Variants in CYC1 observed in about 807,000 individuals in gnomAD.
The protein encoded by CYC1 is cytochrome c1, heme protein, mitochondrial.
Under a neutral mutation model 33.8 loss-of-function variants are expected in CYC1, and 10 were observed. That is an observed-to-expected ratio of 0.30 (90% CI 0.18 to 0.50). CYC1 has a LOEUF of 0.50. Ranked by LOEUF, CYC1 falls within the 20% of genes least tolerant of loss-of-function variation. The pLI, the probability that CYC1 is intolerant of heterozygous loss-of-function variation, is 0.98. For synonymous variants in CYC1, 224 were observed against 181.9 expected (o/e 1.23, Z -1.86); for missense variants, 459 against 437.6 (o/e 1.05, Z -0.44).
Position 144,095,087 on chromosome 8 carries a change from G to A in CYC1, c.-13G>A, listed in dbSNP as rs911590518. 9 of 1,206,304 alleles carry A rather than the reference G, an allele frequency of 7.5e-6. No individual in the cohort carries two copies. In the Admixed American group the frequency reaches 1.8e-4, roughly 24 times the overall value. 74.7% of individuals were successfully genotyped at this position (1,206,304 alleles called of 1,614,324 possible). On this transcript the variant is annotated 5_prime_UTR_variant, in exon 1 of 7. Transcript: ENST00000318911. The stretch of plus-strand genomic sequence containing the variant: ...GGGCCGACGGGAGTGGCGGCCGCGC[G>A]GAGGAGGCCAAGATGGCGGCAGCTG...
chr8:144,095,732 C>T (rs1192221549), intron 1 of CYC1, 101 bp from the exon 2 acceptor site: 5 of 1,273,590 alleles, frequency 3.9e-6, no homozygotes, highest in Non-Finnish European at 5.5e-6. Flanking sequence ...TGGTGCCCTG[C>T]AGGAGGAGGC....
chr8:144,096,035 C>T lies in CYC1; in HGVS notation c.326+6C>T. 6.2e-7 allele frequency: 1 copy of T among 1,600,196 alleles called. No individual in the cohort carries two copies. Among genetic ancestry groups the T allele is most frequent in the South Asian group, 1.1e-5 (1 of 90,714 alleles). On this transcript the variant is annotated splice_donor_region_variant and intron_variant, in intron 2 of 6. Coordinates refer to ENST00000318911, the MANE Select transcript of CYC1 (RefSeq NM_001916.5). ...TCTTCCTTGGACCACACCAGGTGTG[C>T]AGCTGGCTGGCTGGCTGGCAGCGGG...
chr8:144,095,169 C>G lies in CYC1; in HGVS notation c.70C>G (p.Arg24Gly). Reference sequence around the variant, plus strand: ...GCGGGGCGCGGGGCTCCCGGGCGCGCGTGCCCGGGGTCTGCTGTGCAGCGC... The same window carrying G: ...GCGGGGCGCGGGGCTCCCGGGCGCGGGTGCCCGGGGTCTGCTGTGCAGCGC... Reference protein sequence around the residue: ...GPRGAGLPGARARGLLCSARP... With the variant: ...GPRGAGLPGAGARGLLCSARP... The change falls in exon 1 of 7, where the codon CGT becomes GGT. Residue 24 changes from arginine (R) to glycine (G), a missense_variant. By Grantham distance (125) the Arg-to-Gly change is moderately radical (BLOSUM62 -2). Transcript: ENST00000318911. The G allele has an allele frequency of 8.3e-7, 1 of 1,209,308 alleles. No homozygotes were observed. The highest frequency in any genetic ancestry group is 1.0e-6 in the Non-Finnish European group (1 of 972,802). 74.9% of individuals were successfully genotyped at this position (1,209,308 alleles called of 1,614,324 possible).
chr8:144,097,362 C>A lies in CYC1; in HGVS notation c.*26C>A. On this transcript the variant is annotated 3_prime_UTR_variant, in exon 7 of 7. Coordinates refer to ENST00000318911, the MANE Select transcript of CYC1 (RefSeq NM_001916.5). Reference sequence around the variant, plus strand: ...CCCTGTCCAGTGTCTGCTTGCCATCCTGCCAGAACAGGCCCTCAAGCCCAA... The same window carrying A: ...CCCTGTCCAGTGTCTGCTTGCCATCATGCCAGAACAGGCCCTCAAGCCCAA... 6.3e-7 allele frequency: 1 copy of A among 1,598,970 alleles called. No homozygotes were observed. The highest frequency in any genetic ancestry group is 8.6e-7 in the Non-Finnish European group (1 of 1,167,498).
chr8:144,096,015 C>G lies in CYC1; in HGVS notation c.312C>G (p.Ser104=), dbSNP rs1836144284. 1 of 1,604,566 alleles carries G rather than the reference C, an allele frequency of 6.2e-7. No homozygotes were observed. Among genetic ancestry groups the G allele is most frequent in the East Asian group, 2.2e-5 (1 of 44,848 alleles). The change falls in exon 2 of 7, where the codon TCC becomes TCG. Residue 104 remains serine, a synonymous_variant. Transcript: ENST00000318911. ...YPWSHRGLLS[S]LDHTSIRRGF... The stretch of plus-strand genomic sequence containing the variant: ...GGTCTCACCGTGGCCTCCTCTCTTC[C>G]TTGGACCACACCAGGTGTGCAGCTG...
rs776707883 is a variant in CYC1 at position 144,097,207 on chromosome 8, TTC to T, written c.874-21_874-20del. 1.9e-6 allele frequency: 3 copies of T among 1,612,952 alleles called. No individual in the cohort carries two copies. In the Admixed American group the frequency reaches 5.0e-5, roughly 27 times the overall value. On this transcript the variant is annotated intron_variant, in intron 6 of 6. Coordinates refer to ENST00000318911, the MANE Select transcript of CYC1 (RefSeq NM_001916.5). ...CTGGGCAGGGCTCCTCCCCACTCCC[TTC>T]TCTGAGCCTTCCTTGTCTGCAGATG...
chr8:144,096,508 C>T lies in CYC1; in HGVS notation c.611+14C>T, dbSNP rs202012491. 6.2e-7 allele frequency: 1 copy of T among 1,614,010 alleles called. No homozygotes were observed. Reference sequence around the variant, plus strand: ...CGTGCGAGCTAGGTACACGGGCTGCCCATGGGGTGGTGCTGGAGAGATGGG... The same window carrying T: ...CGTGCGAGCTAGGTACACGGGCTGCTCATGGGGTGGTGCTGGAGAGATGGG... On this transcript the variant is annotated intron_variant, in intron 4 of 6. Coordinates refer to ENST00000318911, the MANE Select transcript of CYC1 (RefSeq NM_001916.5).
rs771853926 is a variant in CYC1 at position 144,095,843 on chromosome 8, T to G, written c.140T>G (p.Leu47Trp). 3.4e-5 allele frequency: 54 copies of G among 1,606,996 alleles called. No individual in the cohort carries two copies. The highest frequency in any genetic ancestry group is 4.3e-5 in the Non-Finnish European group (51 of 1,179,496). Residue 47 changes from leucine to tryptophan, a missense_variant, in exon 2 of 7, where the codon TTG (leucine) becomes TGG (tryptophan). Physicochemically the swap from Leu to Trp is moderately conservative, Grantham distance 61. Transcript: ENST00000318911. ...GCGGAGATCTTGCAGGCAGTGGCCTTGTCGTCGAAGTCTGGCCTTTCCCGA... is the reference window on the plus strand; with the variant it reads ...GCGGAGATCTTGCAGGCAGTGGCCTGGTCGTCGAAGTCTGGCCTTTCCCGA... ...LPLRTPQAVALSSKSGLSRGR... is the reference protein window; with the variant it reads ...LPLRTPQAVAWSSKSGLSRGR...
chr8:144,095,738 G>A (rs937942211), intron 1 of CYC1, 95 bp from the exon 2 acceptor site: 3 of 1,323,510 alleles, frequency 2.3e-6, no homozygotes. Flanking sequence ...CCTGCAGGAG[G>A]AGGCCATTGC....
chr8:144,096,087 G>C, intron 2 of CYC1, 37 bp from the exon 3 acceptor site: 1 of 1,606,272 alleles, frequency 6.2e-7, no homozygotes, highest in Non-Finnish European at 8.5e-7. Context: ...TGGTAAGGTG[G>C]AATCTTCAGC....
In CYC1 at chr8:144,097,392, C is replaced by A; in HGVS notation, c.*56C>A. 1 of 1,478,400 alleles carries A rather than the reference C, an allele frequency of 6.8e-7. No homozygotes were observed. The highest frequency in any genetic ancestry group is 9.4e-7 in the Non-Finnish European group (1 of 1,062,628). The allele number at this position is 1,478,400 out of a possible 1,614,324, so 91.6% of individuals were successfully genotyped here. On this transcript the variant is annotated 3_prime_UTR_variant, in exon 7 of 7. Transcript: ENST00000318911. ...AGAACAGGCCCTCAAGCCCAAGAGC[C>A]ATCCCAGGCCTGTTCAGGCCTCAGC... is the stretch of plus-strand genomic sequence containing the variant.
chr8:144,095,172 G>A lies in CYC1; in HGVS notation c.73G>A (p.Ala25Thr). 2 of 1,209,300 alleles carry A rather than the reference G, an allele frequency of 1.7e-6. No homozygotes were observed. Among genetic ancestry groups the A allele is most frequent in the South Asian group, 4.1e-5 (1 of 24,150 alleles). 74.9% of individuals were successfully genotyped at this position (1,209,300 alleles called of 1,614,324 possible). A position where few individuals can be genotyped will look rare whatever the true frequency, so the allele number is the denominator to read the frequency against. Residue 25 changes from alanine (A) to threonine (T), a missense_variant, in exon 1 of 7, where the codon GCC (alanine) becomes ACC (threonine). By Grantham distance (58) the Ala-to-Thr change is moderately conservative. Coordinates refer to ENST00000318911, the MANE Select transcript of CYC1 (RefSeq NM_001916.5). ...GGGCGCGGGGCTCCCGGGCGCGCGT[G>A]CCCGGGGTCTGCTGTGCAGCGCGCG... ...PRGAGLPGAR[A>T]RGLLCSARPG...
intron 1 of CYC1, chr8:144,095,550 C>A: frequency 3.8e-6 from 2 of 523,948 alleles, no homozygotes; most frequent in Non-Finnish European, 6.6e-6. Flanking sequence ...CTGAAGTGAC[C>A]CCAGCCTGAT....
At position 144,097,483 on chromosome 8, in the gene CYC1, C is replaced by G. The variant is rs559548619; in HGVS notation, c.*147C>G. 1 of 620,148 alleles carries G rather than the reference C, an allele frequency of 1.6e-6. No individual in the cohort carries two copies. Among genetic ancestry groups the G allele is most frequent in the African/African-American group, 1.8e-5 (1 of 54,474 alleles). The allele number at this position is 620,148 out of a possible 1,614,324, so 38.4% of individuals were successfully genotyped here. On this transcript the variant is annotated 3_prime_UTR_variant, in exon 7 of 7. Transcript: ENST00000318911. ...AGACCAGGCTCTAGCTCTGGGCCCT[C>G]CTTCAGCCCCCATCATGGGAATAAA...
At position 144,096,758 on chromosome 8, in the gene CYC1, AGTCTGGC is replaced by A. The variant is rs763792436; in HGVS notation, c.772+15_772+21del. 4.9e-5 allele frequency: 51 copies of A among 1,039,470 alleles called. 4 individuals carry two copies. The Admixed American group carries it at 7.1e-4, about 15-fold the overall frequency. The allele number at this position is 1,039,470 out of a possible 1,614,324, so 64.4% of individuals were successfully genotyped here. A position where few individuals can be genotyped will look rare whatever the true frequency, so the allele number is the denominator to read the frequency against. On this transcript the variant is annotated intron_variant, in intron 5 of 6. Transcript: ENST00000318911. ...AGTTTGACGATGGTAAGAGGCCTCC[AGTCTGGC>A]AGTGGGCATGTGGAATACTTCTCCA...
At chr8:144,096,079 G>A in intron 2 of CYC1, 45 bp from the exon 3 acceptor site, 2 of 1,604,868 alleles carry the variant, frequency 1.2e-6, no homozygotes, top group Non-Finnish European at 1.7e-6. Flanking sequence ...GGTGGAGCTG[G>A]TAAGGTGGAA....
At position 144,097,145 on chromosome 8, in the gene CYC1, T is replaced by C. The variant is rs758366796; in HGVS notation, c.873+11T>C. The C allele has an allele frequency of 3.7e-6, 6 of 1,612,018 alleles. No homozygotes were observed. The highest frequency in any genetic ancestry group is 4.2e-6 in the Non-Finnish European group (5 of 1,178,760). ...CGCATGGGGCTCAAGGTAAAAGGGT[T>C]GGGAGGCCATGGTGGGTATCAGAGA... On this transcript the variant is annotated intron_variant, in intron 6 of 6. Transcript: ENST00000318911.
In CYC1 at chr8:144,097,308, G is replaced by A. The variant is rs754430323; in HGVS notation, c.950G>A (p.Arg317Gln). Reference sequence around the variant, plus strand: ...CACAAGTGGTCAGTCCTGAAGAGTCGGAAGCTGGCATATCGGCCGCCCAAG... The same window carrying A: ...CACAAGTGGTCAGTCCTGAAGAGTCAGAAGCTGGCATATCGGCCGCCCAAG... ...KRHKWSVLKS[R>Q]KLAYRPPK is the part of the protein sequence containing the mutation. Residue 317 changes from arginine (R) to glutamine (Q), a missense_variant, in exon 7 of 7, where the codon CGG becomes CAG. Arg to Gln is a conservative substitution (Grantham distance 43, BLOSUM62 1). Transcript: ENST00000318911. 1.2e-5 allele frequency: 19 copies of A among 1,613,894 alleles called. No homozygotes were observed. Among genetic ancestry groups the A allele is most frequent in the African/African-American group, 2.7e-5 (2 of 74,856 alleles).
In CYC1 at chr8:144,097,271, A is replaced by G. The variant is rs1836183918; in HGVS notation, c.913A>G (p.Thr305Ala). The change falls in exon 7 of 7, where the codon ACC (threonine) becomes GCC (alanine). Residue 305 changes from threonine (T) to alanine (A), a missense_variant. By Grantham distance (58) the Thr-to-Ala change is moderately conservative. Coordinates refer to ENST00000318911, the MANE Select transcript of CYC1 (RefSeq NM_001916.5). ...MMALLVPLVY[T>A]IKRHKWSVLK... ...GGCTCTGCTGGTGCCCCTGGTCTAC[A>G]CCATAAAGCGGCACAAGTGGTCAGT... 6.2e-7 allele frequency: 1 copy of G among 1,614,118 alleles called. No individual in the cohort carries two copies. Among genetic ancestry groups the G allele is most frequent in the Non-Finnish European group, 8.5e-7 (1 of 1,180,014 alleles).
Sources: gnomAD v4.1 joint callset for allele counts on GRCh38, gnomAD v4.1.1 for gene constraint, MANE v1.5 for transcripts, NCBI Gene and HGNC (gene_info 2026-07-23, HGNC 2026-07-21) for gene names.